Variants in GMDS observed in about 807,000 individuals in gnomAD.
The protein encoded by GMDS is GDP-mannose 4,6-dehydratase.
A neutral mutation model predicts 49.9 loss-of-function variants in GMDS; 20 were observed. That is an observed-to-expected ratio of 0.40 (90% confidence interval 0.28 to 0.58). The LOEUF (loss-of-function observed/expected upper bound fraction) is 0.58. Ranked by LOEUF, GMDS falls within the 20% of genes least tolerant of loss-of-function variation. The probability of loss-of-function intolerance (pLI) is 0.42; values close to 1 mark genes in which losing one functional copy is unlikely to be tolerated. For missense variants in GMDS, 362 were observed against 481.4 expected (o/e 0.75, Z 2.32); for synonymous variants, 177 against 178.6 (o/e 0.99, Z 0.07).
intron 7 of GMDS, among the ~76,000 whole-genome samples, chr6:1,834,536 C>A (rs1026464700): frequency 6.6e-6 from 1 of 152,052 alleles, no homozygotes; most frequent in Non-Finnish European, 1.5e-5. Context: ...ATTTACAGTG[C>A]TTTTGTAAGA....
intron 4 of GMDS, among the ~76,000 whole-genome samples, chr6:2,035,404 A>G (rs1161845700): frequency 1.3e-5 from 2 of 152,146 alleles, no homozygotes; most frequent in Non-Finnish European, 2.9e-5. Context: ...TCCTCATGAT[A>G]TCAGGATATG....
intron 7 of GMDS, among the ~76,000 whole-genome samples, chr6:1,858,922 A>C (rs917889985): frequency 6.6e-6 from 1 of 151,906 alleles, no homozygotes; most frequent in African/African-American, 2.4e-5. Flanking sequence ...GGCAGGGTAC[A>C]TTAAAGGAGA....
At chr6:1,735,023 T>A (rs1766953988) in intron 8 of GMDS, among the ~76,000 whole-genome samples, 1 of 152,166 alleles carries the variant, frequency 6.6e-6, no homozygotes, top group African/African-American at 2.4e-5. Context: ...GCCTGCTTCA[T>A]TTATATTTAC....
At chr6:1,681,649 C>T (rs971422875) in intron 9 of GMDS, among the ~76,000 whole-genome samples, 5 of 152,184 alleles carry the variant, frequency 3.3e-5, no homozygotes, top group African/African-American at 1.2e-4. Flanking sequence ...CCAGCAACCC[C>T]CACCATAAAG....
intron 7 of GMDS, among the ~76,000 whole-genome samples, chr6:1,789,336 T>C (rs1164056586): frequency 1.3e-5 from 2 of 152,120 alleles, no homozygotes; most frequent in South Asian, 4.1e-4. Flanking sequence ...TCTAAGCCCA[T>C]GGTTGGCTTA....
intron 1 of GMDS, among the ~76,000 whole-genome samples, chr6:2,197,632 G>GA (rs1324733029): frequency 1.3e-5 from 2 of 152,174 alleles, no homozygotes; most frequent in African/African-American, 4.8e-5. Flanking sequence ...ATCAAAAAGT[G>GA]ACACATGGGC....
intron 1 of GMDS, among the ~76,000 whole-genome samples, chr6:2,141,996 T>C (rs1463272639): frequency 6.6e-6 from 1 of 152,154 alleles, no homozygotes; most frequent in Non-Finnish European, 1.5e-5. Context: ...TGCCGGCTTA[T>C]CCATTTGGCG....
At chr6:1,650,889 T>C (rs1581410164) in intron 9 of GMDS, among the ~76,000 whole-genome samples, 4 of 152,336 alleles carry the variant, frequency 2.6e-5, no homozygotes, top group Admixed American at 2.6e-4. Flanking sequence ...CAATTTTCTA[T>C]TCTCATCCTC....
intron 4 of GMDS, among the ~76,000 whole-genome samples, chr6:1,999,982 TTTATATATA>T (rs1766626278): frequency 8.8e-5 from 1 of 11,356 alleles, no homozygotes; most frequent in Non-Finnish European, 1.7e-4. Flanking sequence ...ATATATATAT[TTTATATATA>T]TATATTATAT....
chr6:2,088,259 A>T lies in GMDS; in HGVS notation c.345+27512T>A, dbSNP rs115821338. On this transcript the variant is annotated intron_variant, in intron 4 of 10. Coordinates refer to ENST00000380815, the MANE Select transcript of GMDS (RefSeq NM_001500.4). ...CAATCAAGAGCAGAGTGTGGGGGATATGGGAGGTATTCAGCTAATGCTTCC... is the reference window on the plus strand; with the variant it reads ...CAATCAAGAGCAGAGTGTGGGGGATTTGGGAGGTATTCAGCTAATGCTTCC... Among the ~76,000 whole-genome samples, 639 of 152,296 alleles carry T rather than the reference A, an allele frequency of 4.2e-3. 1 individual carries two copies. Among genetic ancestry groups the T allele is most frequent in the Non-Finnish European group, 7.7e-3 (522 of 68,034 alleles).
At chr6:1,763,110 A>T (rs1768221587) in intron 7 of GMDS, among the ~76,000 whole-genome samples, 1 of 152,192 alleles carries the variant, frequency 6.6e-6, no homozygotes, top group African/African-American at 2.4e-5. Flanking sequence ...TCTTTCTAAG[A>T]TCGCAAAGGG....
In GMDS at chr6:1,942,333, A is replaced by C. The variant is rs114331440; in HGVS notation, c.644-12103T>G. On this transcript the variant is annotated intron_variant, in intron 6 of 10. Coordinates refer to ENST00000380815, the MANE Select transcript of GMDS (RefSeq NM_001500.4). ...CCATCCCAGCCTCTAGTAGGCCACA[A>C]ATGAGGTGGCTGCTCAATGCAGATT... Among the ~76,000 whole-genome samples the C allele has an allele frequency of 9.3e-3, 1,408 of 152,158 alleles. 11 individuals carry two copies. Among genetic ancestry groups the C allele is most frequent in the Non-Finnish European group, 0.016 (1,084 of 68,000 alleles).
At chr6:1,876,414 A>C (rs1178625300) in intron 7 of GMDS, among the ~76,000 whole-genome samples, 2 of 152,254 alleles carry the variant, frequency 1.3e-5, no homozygotes, top group Admixed American at 6.5e-5. Context: ...CTAAGGATGT[A>C]ATCCTTACGA....
chr6:1,947,526 T>C (rs1236563475), intron 6 of GMDS, among the ~76,000 whole-genome samples: 2 of 152,216 alleles, frequency 1.3e-5, no homozygotes, highest in African/African-American at 2.4e-5. Context: ...AGGGTTTCTC[T>C]GTGACCGCAC....
intron 4 of GMDS, among the ~76,000 whole-genome samples, chr6:2,025,873 G>C (rs1413989110): frequency 6.6e-6 from 1 of 152,038 alleles, no homozygotes; most frequent in East Asian, 1.9e-4. Flanking sequence ...CTGTAAATTA[G>C]ATTATTCTAA....
intron 1 of GMDS, among the ~76,000 whole-genome samples, chr6:2,197,081 G>A (rs1046573930): frequency 7.9e-5 from 12 of 152,166 alleles, no homozygotes; most frequent in Non-Finnish European, 1.5e-4. Context: ...CTCAATTTAA[G>A]TTTCAATAAT....
intron 9 of GMDS, among the ~76,000 whole-genome samples, chr6:1,664,078 T>C (rs762701261): frequency 1.3e-5 from 2 of 152,194 alleles, no homozygotes; most frequent in Non-Finnish European, 2.9e-5. Flanking sequence ...TATAGTTCTT[T>C]ACAATAATTA....
intron 1 of GMDS, among the ~76,000 whole-genome samples, chr6:2,204,138 T>C (rs943240313): frequency 3.9e-5 from 6 of 152,212 alleles, no homozygotes; most frequent in African/African-American, 9.6e-5. Flanking sequence ...TTTCTCTACA[T>C]GCCAAGTATA....
chr6:1,856,216 T>C lies in GMDS; in HGVS notation c.771+73887A>G, dbSNP rs372262205. Among the ~76,000 whole-genome samples, 81 of 152,348 alleles carry C rather than the reference T, an allele frequency of 5.3e-4. 1 individual carries two copies. The East Asian group carries it at 0.013, about 24-fold the overall frequency. ...TGGTGTATGTGTCTTTAAAATACCC[T>C]AACTTTTTTCATCTTCTGATTTTGG... On this transcript the variant is annotated intron_variant, in intron 7 of 10. Coordinates refer to ENST00000380815, the MANE Select transcript of GMDS (RefSeq NM_001500.4).
Sources: allele counts gnomAD v4.1 joint callset (sites outside exome capture counted in the v4.1 genomes callset), GRCh38; gene constraint gnomAD v4.1.1; transcripts MANE v1.5; gene names NCBI Gene and HGNC (gene_info 2026-07-23, HGNC 2026-07-21).